The following OPLAH variants were observed in gnomAD, a reference collection of about 807,000 sequenced individuals.
The protein encoded by OPLAH is 5-oxoprolinase.
A neutral mutation model predicts 122.8 loss-of-function variants in OPLAH; 103 were observed. That is an observed-to-expected ratio of 0.84 (90% confidence interval 0.71 to 0.99). The LOEUF (loss-of-function observed/expected upper bound fraction) is 0.99, where lower values mean the gene tolerates loss of function less well. Ranked by LOEUF, OPLAH falls within the 50% of genes least tolerant of loss-of-function variation. The pLI is 0.00. For synonymous variants in OPLAH, 875 were observed against 796.0 expected, an observed-to-expected ratio of 1.10 and a Z score of -1.67; for missense variants, 1,902 against 1,836.5, an observed-to-expected ratio of 1.04 and a Z score of -0.65.
At chr8:144,050,461 C>G, downstream of OPLAH, 1 of 985,634 alleles carries the variant, frequency 1.0e-6, no homozygotes, top group Non-Finnish European at 1.2e-6. Flanking sequence ...CTGGAAAGGT[C>G]CAGCAGGAGA....
rs980100537 is a variant in OPLAH at position 144,057,921 on chromosome 8, G to C, written c.1091C>G (p.Ser364Cys). 15 of 1,612,032 alleles carry C rather than the reference G, an allele frequency of 9.3e-6. 1 individual carries two copies. The Admixed American group carries it at 1.3e-4, about 14-fold the overall frequency. ...AGGGSRLFFRSGLFVVGPESA... is the reference protein window; with the variant it reads ...AGGGSRLFFRCGLFVVGPESA... ...CTCGGGCCCAACCACAAAGAGGCCA[G>C]ACCTAGGGGAAGGAAGGGCTGGGGT... The change falls in exon 9 of 27, where the codon TCT becomes TGT. Residue 364 changes from serine (S) to cysteine (C), a missense_variant and splice_region_variant. This residue lies in a region of OPLAH where 1,726 missense variants were observed against 1,642.1 expected (regional missense o/e 1.05). Transcript: ENST00000618853.
chr8:144,051,084 G>A (rs575237886), downstream of OPLAH: 2 of 1,360,704 alleles, frequency 1.5e-6, no homozygotes, highest in South Asian at 1.7e-5. Context: ...GCGGCACTGG[G>A]ACGACCCTCA....
chr8:144,054,418 T>C (rs571684719), intron 19 of OPLAH, 143 bp downstream of exon 19: 5 of 893,632 alleles, frequency 5.6e-6, no homozygotes, highest in Non-Finnish European at 8.3e-6. Flanking sequence ...CAGCTGCCCT[T>C]TGGGGTAACC....
chr8:144,056,222 G>T lies in OPLAH; in HGVS notation c.2021C>A (p.Thr674Asn), dbSNP rs1554758999. The change falls in exon 15 of 27, where the codon ACC becomes AAC. Residue 674 changes from threonine to asparagine, a missense_variant. This residue lies in a region of OPLAH where 1,726 missense variants were observed against 1,642.1 expected (regional missense o/e 1.05). Coordinates refer to ENST00000618853, the MANE Select transcript of OPLAH (RefSeq NM_017570.5). ...QCYFEGGYQE[T>N]PVYLLAELGY... ...CAGCTCTGCCAGCAGGTACACAGGGGTCTCCTGGTAGCCCCCCTCAAAGTA... is the reference window on the plus strand; with the variant it reads ...CAGCTCTGCCAGCAGGTACACAGGGTTCTCCTGGTAGCCCCCCTCAAAGTA... 1 of 1,612,070 alleles carries T rather than the reference G, an allele frequency of 6.2e-7. No homozygotes were observed. The highest frequency in any genetic ancestry group is 1.1e-5 in the South Asian group (1 of 91,076).
In OPLAH at chr8:144,058,312, G is replaced by T. The variant is rs373739497; in HGVS notation, c.876C>A (p.Gly292=). The change falls in exon 7 of 27, where the codon GGC becomes GGA. Residue 292 remains glycine (G), a synonymous_variant. Transcript: ENST00000618853. ...TGGTGGCTGAGTAGCCCACCACGCC[G>T]CCGGCCGGGCCCGAGAGCACAGCAC... ...GSSAVLSGPA[G]GVVGYSATTY... 1.2e-6 allele frequency: 2 copies of T among 1,604,334 alleles called. No individual in the cohort carries two copies. The highest frequency in any genetic ancestry group is 1.7e-6 in the Non-Finnish European group (2 of 1,177,306).
Position 144,053,257 on chromosome 8 carries a change from A to C in OPLAH, c.2823T>G (p.Ile941Met), listed in dbSNP as rs1564288789. ...GCACCACGTCCAGGCCGTACTGCCC[A>C]ATGAGCTCCCCCACCAGCTGGATGC... ...QKGIQLVGEL[I>M]GQYGLDVVQA... The change falls in exon 20 of 27, where the codon ATT (isoleucine) becomes ATG (methionine). Residue 941 changes from isoleucine to methionine, a missense_variant. Transcript: ENST00000618853. 1 of 1,612,894 alleles carries C rather than the reference A, an allele frequency of 6.2e-7. No individual in the cohort carries two copies. The highest frequency in any genetic ancestry group is 8.5e-7 in the Non-Finnish European group (1 of 1,179,782).
Position 144,057,253 on chromosome 8 carries a change from C to T in OPLAH, c.1490G>A (p.Cys497Tyr), listed in dbSNP as rs1554759494. 1 of 1,612,404 alleles carries T rather than the reference C, an allele frequency of 6.2e-7. No homozygotes were observed. Residue 497 changes from cysteine (C) to tyrosine (Y), a missense_variant, in exon 11 of 27, where the codon TGT (cysteine) becomes TAT (tyrosine). Coordinates refer to ENST00000618853, the MANE Select transcript of OPLAH (RefSeq NM_017570.5). ...CATGCCCAGGGCCCGGGCGATGGCA[C>T]ATGCATGCTGCCCACCAGCTCCCCC... ...CFGGAGGQHA[C>Y]AIARALGMDT...
chr8:144,056,320 A>G, intron 14 of OPLAH, 61 bp from the exon 15 acceptor site: 2 of 1,595,270 alleles, frequency 1.3e-6, no homozygotes, highest in Non-Finnish European at 1.7e-6. Context: ...TGCCTCTCAC[A>G]GGGCTTGGTC....
Position 144,052,836 on chromosome 8 carries a change from C to A in OPLAH, c.3083G>T (p.Arg1028Leu), listed in dbSNP as rs759796545. 165 of 1,556,432 alleles carry A rather than the reference C, an allele frequency of 1.1e-4. No homozygotes were observed. Among genetic ancestry groups the A allele is most frequent in the Non-Finnish European group, 1.4e-4 (157 of 1,150,898 alleles). The change falls in exon 22 of 27, where the codon CGG (arginine) becomes CTG (leucine). Residue 1028 changes from arginine to leucine, a missense_variant. Physicochemically the swap from Arg to Leu is moderately radical, Grantham distance 102. Coordinates refer to ENST00000618853, the MANE Select transcript of OPLAH (RefSeq NM_017570.5). The part of the protein sequence containing the change: ...PEVFGNLNAP[R>L]AVTLSALIYC... Reference sequence around the variant, plus strand: ...GATGAGGGCGGACAGGGTTACGGCCCGCGGTGCGTTGAGATTACCAAACAC... The same window carrying A: ...GATGAGGGCGGACAGGGTTACGGCCAGCGGTGCGTTGAGATTACCAAACAC...
chr8:144,055,274 CTCAA>C lies in OPLAH; in HGVS notation c.2249-89_2249-86del. 1 of 1,384,600 alleles carries C rather than the reference CTCAA, an allele frequency of 7.2e-7. No homozygotes were observed. The highest frequency in any genetic ancestry group is 9.5e-7 in the Non-Finnish European group (1 of 1,053,590). The allele number at this position is 1,384,600 out of a possible 1,614,324, so 85.8% of individuals were successfully genotyped here. On this transcript the variant is annotated intron_variant, in intron 16 of 26. Transcript: ENST00000618853. The surrounding 1 kb of genome is among the most constrained non-coding windows in gnomAD (Gnocchi z 6.5). ...AAGGGAGGAACAGGACCCACCAGGA[CTCAA>C]ACCCAGGACCCAGGAAAAACCCAGC...
Position 144,053,310 on chromosome 8 carries a change from G to A in OPLAH, c.2770C>T (p.Arg924Cys), listed in dbSNP as rs147874057. 67 of 1,612,960 alleles carry A rather than the reference G, an allele frequency of 4.2e-5. No homozygotes were observed. The highest frequency in any genetic ancestry group is 2.1e-4 in the African/African-American group (16 of 75,024). The change falls in exon 20 of 27, where the codon CGT (arginine) becomes TGT (cysteine). Residue 924 changes from arginine (R) to cysteine (C), a missense_variant. This residue lies in a region of OPLAH where 1,726 missense variants were observed against 1,642.1 expected (regional missense o/e 1.05). Transcript: ENST00000618853. Reference protein sequence around the residue: ...RNLHDNLSDLRAQVAANQKGI... With the variant: ...RNLHDNLSDLCAQVAANQKGI... ...TTCTGGTTGGCTGCCACCTGGGCAC[G>A]GAGGTCCGACAGGTTGTCGTGCAGG...
At chr8:144,056,077 G>A in intron 15 of OPLAH, 70 bp downstream of exon 15, 6 of 1,544,786 alleles carry the variant, frequency 3.9e-6, no homozygotes, top group Non-Finnish European at 4.4e-6. Flanking sequence ...CCTTGGGCCA[G>A]AGAACCCTGC....
upstream of OPLAH, among the ~76,000 whole-genome samples, chr8:144,061,503 G>A (rs1166861977): frequency 4.0e-5 from 6 of 151,456 alleles, no homozygotes; most frequent in East Asian, 2.0e-4. Flanking sequence ...GCGACAGAGC[G>A]AGACTCCGTC....
chr8:144,053,186 C>T (rs782004077), intron 20 of OPLAH, 23 bp downstream of exon 20: 6 of 1,610,994 alleles, frequency 3.7e-6, no homozygotes, highest in East Asian at 2.2e-5. Context: ...CCCTGCCGCC[C>T]ACACTCCTGT....
In OPLAH at chr8:144,053,372, G is replaced by A. The variant is rs560233274; in HGVS notation, c.2708C>T (p.Ala903Val). 17 of 1,611,584 alleles carry A rather than the reference G, an allele frequency of 1.1e-5. No homozygotes were observed. The highest frequency in any genetic ancestry group is 6.7e-5 in the African/African-American group (5 of 75,000). Residue 903 changes from alanine (A) to valine (V), a missense_variant, in exon 20 of 27, where the codon GCG becomes GTG. Coordinates refer to ENST00000618853, the MANE Select transcript of OPLAH (RefSeq NM_017570.5). ...QEEAVTEALR[A>V]PGKVPNCSGT... Reference sequence around the variant, plus strand: ...GCTGCAGTTGGGGACCTTGCCTGGCGCCCGCAGGGCCTCCGTCACCGCTGG... The same window carrying A: ...GCTGCAGTTGGGGACCTTGCCTGGCACCCGCAGGGCCTCCGTCACCGCTGG...
At position 144,051,771 on chromosome 8, in the gene OPLAH, C is replaced by G. The variant is rs372193469; in HGVS notation, c.3678G>C (p.Thr1226=). 6.2e-7 allele frequency: 1 copy of G among 1,607,408 alleles called. No homozygotes were observed. Among genetic ancestry groups the G allele is most frequent in the Non-Finnish European group, 8.5e-7 (1 of 1,178,554 alleles). The change falls in exon 26 of 27, where the codon ACG becomes ACC. Residue 1226 remains threonine (T), a synonymous_variant. Coordinates refer to ENST00000618853, the MANE Select transcript of OPLAH (RefSeq NM_017570.5). The part of the protein sequence containing the change: ...LNLLIRKNGR[T]VNLGGKTSVT... Reference sequence around the variant, plus strand: ...CCGACGTCTTGCCGCCCAGATTCACCGTCCGGCCGTTTTTGCGGATCAGCA... The same window carrying G: ...CCGACGTCTTGCCGCCCAGATTCACGGTCCGGCCGTTTTTGCGGATCAGCA...
rs782191619 is a variant in OPLAH, at chr8:144,056,566, G to A, written c.1845-43C>T. On this transcript the variant is annotated intron_variant, in intron 13 of 26. Transcript: ENST00000618853. Reference sequence around the variant, plus strand: ...ACCCAAGGAGTGGTCAGAGTGAGGCGGCCAGACAGGAGGGCCCCTTGCCAG... The same window carrying A: ...ACCCAAGGAGTGGTCAGAGTGAGGCAGCCAGACAGGAGGGCCCCTTGCCAG... 13 of 1,612,164 alleles carry A rather than the reference G, an allele frequency of 8.1e-6. 1 individual carries two copies. The highest frequency in any genetic ancestry group is 4.4e-5 in the South Asian group (4 of 91,062).
At position 144,055,168 on chromosome 8, in the gene OPLAH, T is replaced by A. The variant is rs576430435; in HGVS notation, c.2270A>T (p.Gln757Leu). 1.9e-6 allele frequency: 3 copies of A among 1,554,408 alleles called. No individual in the cohort carries two copies. The Admixed American group carries it at 5.9e-5, about 30-fold the overall frequency. ...GATGTTGGTGGAGATGGCTGTGCGC[T>A]GCAGGATGCGGCCCATCTGCTCTAG... ...SIAEQMGRIL[Q>L]RTAISTNIKE... Residue 757 changes from glutamine (Q) to leucine (L), a missense_variant, in exon 17 of 27, where the codon CAG (glutamine) becomes CTG (leucine). Physicochemically the swap from Gln to Leu is moderately radical, Grantham distance 113. Around this residue, in one of 3 missense-constraint regions of OPLAH, gnomAD observed 1,726 missense variants for 1,642.1 expected, o/e 1.05. Transcript: ENST00000618853. This position sits in a 1 kb window ranked among gnomAD's most constrained non-coding sequence, Gnocchi z 6.5.
intron 19 of OPLAH, 26 bp from the exon 20 acceptor site, chr8:144,053,419 C>T: frequency 1.3e-6 from 2 of 1,582,912 alleles, no homozygotes; most frequent in East Asian, 4.5e-5. Context: ...CATCACTGAG[C>T]CCCTGGCCAA....
Sources: gnomAD v4.1 joint callset for allele counts (sites outside exome capture counted in the v4.1 genomes callset) on GRCh38, gnomAD v4.1.1 for gene constraint, gnomAD v4.1.1 regional missense constraint, Gnocchi (gnomAD v3.1) non-coding constraint, MANE v1.5 for transcripts, NCBI Gene and HGNC (gene_info 2026-07-23, HGNC 2026-07-21) for gene names.